Variants in IFT140 observed in about 807,000 individuals in gnomAD.
IFT140 encodes intraflagellar transport protein 140 homolog.
A neutral mutation model predicts 164.6 loss-of-function variants in IFT140; 133 were observed. The ratio of observed to expected loss-of-function variants is 0.81; its 90% confidence interval spans 0.70 to 0.93. IFT140 has a LOEUF of 0.93. IFT140 is among the 40% of genes least tolerant of loss of function. The pLI is 0.00. For missense variants in IFT140, 2,045 were observed against 1,972.3 expected (o/e 1.04, Z -0.70); for synonymous variants, 860 against 817.3 (o/e 1.05, Z -0.89).
chr16:1,600,774 A>C (rs1021852149), intron 4 of IFT140, among the ~76,000 whole-genome samples: 34 of 152,246 alleles, frequency 2.2e-4, no homozygotes, highest in South Asian at 4.1e-4. Context: ...CCTCTACGTG[A>C]TATTTCTGCC....
chr16:1,516,168 A>AAAAAAAAAAAAAAAAAAAAAC (rs1567318535), intron 30 of IFT140, among the ~76,000 whole-genome samples: 1 of 109,284 alleles, frequency 9.2e-6, no homozygotes, highest in Non-Finnish European at 1.8e-5. Context: ...AAAAAAAAAA[A>AAAAAAAAAAAAAAAAAAAAAC]AAAAAAAAAA....
rs1244466903 is a variant in IFT140, at chr16:1,531,105, G to A, written c.2400-4309C>T. 6.6e-6 allele frequency: 1 copy of A among 152,368 alleles called. No individual in the cohort carries two copies. Among genetic ancestry groups the A allele is most frequent in the African/African-American group, 2.4e-5 (1 of 41,470 alleles). The allele number at this position is 152,368 out of a possible 1,614,324, so 9.4% of individuals were successfully genotyped here. ...CATCCTCTCCGCGACGGCCGGCCAGGGCTCTCGGGACAGCCTCCACTCCGG... is the reference window on the plus strand; with the variant it reads ...CATCCTCTCCGCGACGGCCGGCCAGAGCTCTCGGGACAGCCTCCACTCCGG... On this transcript the variant is annotated intron_variant, in intron 19 of 30. Transcript: ENST00000426508. The surrounding 1 kb of genome is among the most constrained non-coding windows in gnomAD (Gnocchi z 4.7).
At chr16:1,603,460 C>T (rs1348074131) in intron 3 of IFT140, among the ~76,000 whole-genome samples, 1 of 151,978 alleles carries the variant, frequency 6.6e-6, no homozygotes, top group Admixed American at 6.6e-5. Flanking sequence ...CTAATGACAG[C>T]TTGTGAGATA....
chr16:1,602,556 C>T lies in IFT140; in HGVS notation c.183G>A (p.Pro61=), dbSNP rs751515057. The change falls in exon 4 of 31, where the codon CCG becomes CCA. Residue 61 remains proline (P), a synonymous_variant. Transcript: ENST00000426508. Reference sequence around the variant, plus strand: ...GCCAGCACAGGGAAGCAACCCGGAACGGCCTCTCGACGTGTGTATCTGGCA... The same window carrying T: ...GCCAGCACAGGGAAGCAACCCGGAATGGCCTCTCGACGTGTGTATCTGGCA... ...ECVPDTHVER[P]FRVASLCWHP... 1.8e-5 allele frequency: 29 copies of T among 1,613,524 alleles called. No individual in the cohort carries two copies. The highest frequency in any genetic ancestry group is 1.3e-4 in the Admixed American group (8 of 60,008).
intron 2 of IFT140, among the ~76,000 whole-genome samples, chr16:1,608,155 T>G (rs186624912): frequency 1.1e-4 from 16 of 152,348 alleles, no homozygotes; most frequent in Non-Finnish European, 2.2e-4. Context: ...CTTGATCACT[T>G]ACGTGAACTT....
intron 19 of IFT140, chr16:1,542,171 A>T: frequency 7.4e-7 from 1 of 1,345,450 alleles, no homozygotes; most frequent in South Asian, 1.5e-5. Context: ...GCCTGGGGGG[A>T]AGCTGCAGGC....
At chr16:1,526,855 TACGGCCCC>T in intron 19 of IFT140, 59 bp from the exon 20 acceptor site, 2 of 1,518,906 alleles carry the variant, frequency 1.3e-6, no homozygotes, top group Non-Finnish European at 1.8e-6. Flanking sequence ...CCCCTGGCCC[TACGGCCCC>T]TTCTCCTGGG....
chr16:1,594,221 T>G (rs576434374), intron 4 of IFT140, among the ~76,000 whole-genome samples: 1 of 148,288 alleles, frequency 6.7e-6, no homozygotes, highest in East Asian at 2.0e-4. Flanking sequence ...TAAAAAAAGT[T>G]TTTTGTTTTT....
intron 26 of IFT140, among the ~76,000 whole-genome samples, chr16:1,522,425 C>T (rs2040551643): frequency 1.3e-5 from 2 of 152,292 alleles, no homozygotes; most frequent in Admixed American, 1.3e-4. Context: ...ATCCCAGCTA[C>T]TGGGGAATCT....
At position 1,592,223 on chromosome 16, in the gene IFT140, T is replaced by G; in HGVS notation, c.587A>C (p.Lys196Thr). Residue 196 changes from lysine (K) to threonine (T), a missense_variant, in exon 6 of 31, where the codon AAG becomes ACG. Lys to Thr is a moderately conservative substitution (Grantham distance 78). Transcript: ENST00000426508. ...WKKSSSGSLL[K>T]MGSHEGLLFF... is the part of the protein sequence containing the mutation. The stretch of plus-strand genomic sequence containing the variant: ...CAACAGCCCCTCGTGAGACCCCATC[T>G]TCAGCAAACTTCCAGAACTGCTCTT... The G allele has an allele frequency of 6.2e-7, 1 of 1,614,204 alleles. No individual in the cohort carries two copies. Among genetic ancestry groups the G allele is most frequent in the African/African-American group, 1.3e-5 (1 of 75,066 alleles).
intron 4 of IFT140, among the ~76,000 whole-genome samples, chr16:1,600,195 G>C (rs1209768941): frequency 2.7e-5 from 4 of 146,394 alleles, no homozygotes; most frequent in South Asian, 2.3e-4. Context: ...TGTCCACTCA[G>C]GGTTGAATGG....
intron 12 of IFT140, among the ~76,000 whole-genome samples, chr16:1,581,715 AGAGGAGAGGGGAGGG>A (rs1271907050): frequency 7.5e-6 from 1 of 132,912 alleles, no homozygotes; most frequent in Non-Finnish European, 1.6e-5. Context: ...GGGAGTCTAC[AGAGGAGAGGGGAGGG>A]GAGGAGCGGG....
chr16:1,535,204 G>A (rs958450861), intron 19 of IFT140, among the ~76,000 whole-genome samples: 2 of 152,128 alleles, frequency 1.3e-5, no homozygotes, highest in African/African-American at 2.4e-5. Context: ...CAGATGGGAC[G>A]CTGGAAAGGA....
intron 20 of IFT140, chr16:1,526,335 C>T (rs1176502866): frequency 1.7e-6 from 1 of 591,638 alleles, no homozygotes; most frequent in Non-Finnish European, 3.0e-6. Flanking sequence ...ACAGCCTCCC[C>T]AGAAGTCCCG....
rs115202931 is a variant in IFT140 at position 1,512,654 on chromosome 16, A to G, written c.4183-1504T>C. On this transcript the variant is annotated intron_variant, in intron 30 of 30. Coordinates refer to ENST00000426508, the MANE Select transcript of IFT140 (RefSeq NM_014714.4). ...AAACTATAGTTCTCCTAGAAATAGA[A>G]ACCCCGTTGGAGCAGGGCGCGGTGC... 3.6e-3 allele frequency among the ~76,000 whole-genome samples: 547 copies of G among 152,272 alleles called. 6 individuals are homozygous for G. The highest frequency in any genetic ancestry group is 0.012 in the African/African-American group (514 of 41,548).
chr16:1,562,249 G>A (rs773710382), intron 17 of IFT140, 133 bp from the exon 18 acceptor site: 37 of 695,366 alleles, frequency 5.3e-5, no homozygotes, highest in Non-Finnish European at 6.9e-5. Flanking sequence ...TGGTGGGGTC[G>A]GGTGCTTTGC....
intron 9 of IFT140, 31 bp downstream of exon 9, chr16:1,587,167 G>A (rs757962799): frequency 4.3e-6 from 6 of 1,399,740 alleles, no homozygotes; most frequent in Non-Finnish European, 6.1e-6. Flanking sequence ...GGTTGGTTCT[G>A]TTTCTCTTGT....
At chr16:1,527,977 A>G (rs1301784308) in intron 19 of IFT140, among the ~76,000 whole-genome samples, 1 of 152,222 alleles carries the variant, frequency 6.6e-6, no homozygotes, top group Non-Finnish European at 1.5e-5. Flanking sequence ...CAGGGTAGGC[A>G]AAGGCTGCTG....
intron 12 of IFT140, among the ~76,000 whole-genome samples, chr16:1,581,293 A>G (rs56218869): frequency 0.053 from 8,073 of 152,296 alleles, 324 homozygotes; most frequent in South Asian, 0.13. Context: ...TTACTTTTGC[A>G]GCAACATAAT....
Sources: gnomAD v4.1 joint callset for allele counts (sites outside exome capture counted in the v4.1 genomes callset) on GRCh38, gnomAD v4.1.1 for gene constraint, Gnocchi (gnomAD v3.1) non-coding constraint, MANE v1.5 for transcripts, NCBI Gene and HGNC (gene_info 2026-07-23, HGNC 2026-07-21) for gene names.